The following C8orf34 variants were observed in gnomAD, a reference collection of about 807,000 sequenced individuals.
C8orf34 encodes uncharacterized protein C8orf34.
A neutral mutation model predicts 68.3 loss-of-function variants in C8orf34; 65 were observed. The observed-to-expected ratio is 0.95, with a 90% CI of 0.78 to 1.17. The LOEUF (loss-of-function observed/expected upper bound fraction) is 1.17. C8orf34 is among the 50% of genes most tolerant of loss of function. The pLI is 0.00. For synonymous variants in C8orf34, 244 were observed against 241.2 expected (o/e 1.01, Z -0.11); for missense variants, 664 against 655.4 (o/e 1.01, Z -0.14).
At chr8:68,442,432 G>T (rs977586398) in intron 2 of C8orf34, among the ~76,000 whole-genome samples, 4 of 152,062 alleles carry the variant, frequency 2.6e-5, no homozygotes, top group Admixed American at 6.6e-5. Context: ...CAGTTTGAGG[G>T]ACTTTGAGAA....
At chr8:68,703,822 C>T (rs1029047160) in intron 8 of C8orf34, among the ~76,000 whole-genome samples, 11 of 152,002 alleles carry the variant, frequency 7.2e-5, no homozygotes, top group Non-Finnish European at 1.5e-4. Flanking sequence ...TCCTGCCTCC[C>T]GGGTCAAACA....
At chr8:68,522,088 A>G in intron 6 of C8orf34, 117 bp downstream of exon 6, 1 of 872,020 alleles carries the variant, frequency 1.1e-6, no homozygotes, top group South Asian at 1.9e-5. Context: ...ATAGAAAATT[A>G]TGTTAGTCTA....
intron 7 of C8orf34, among the ~76,000 whole-genome samples, chr8:68,635,303 A>G (rs1340545969): frequency 6.6e-6 from 1 of 152,188 alleles, no homozygotes; most frequent in Non-Finnish European, 1.5e-5. Context: ...TAGATAGTTG[A>G]AGATTTTGGC....
At chr8:68,386,569 T>C (rs557950203) in intron 1 of C8orf34, among the ~76,000 whole-genome samples, 1 of 152,328 alleles carries the variant, frequency 6.6e-6, no homozygotes, top group South Asian at 2.1e-4. Context: ...TTGTCTTTTC[T>C]TCTATAACCT....
intron 10 of C8orf34, among the ~76,000 whole-genome samples, chr8:68,726,210 C>G (rs1310516551): frequency 6.6e-6 from 1 of 152,048 alleles, no homozygotes; most frequent in Non-Finnish European, 1.5e-5. Flanking sequence ...GCCTGGTCAC[C>G]AATATCAAAG....
At chr8:68,412,097 G>A (rs563438438) in intron 1 of C8orf34, among the ~76,000 whole-genome samples, 35 of 152,218 alleles carry the variant, frequency 2.3e-4, no homozygotes, top group Non-Finnish European at 4.4e-4. Context: ...ACTTGCTGGC[G>A]CCTTGATCTT....
intron 8 of C8orf34, among the ~76,000 whole-genome samples, chr8:68,659,328 T>G (rs1819602465): frequency 6.6e-6 from 1 of 152,206 alleles, no homozygotes; most frequent in Non-Finnish European, 1.5e-5. Flanking sequence ...GAGCCTGGTT[T>G]CAAGAACAGG....
chr8:68,609,002 G>A (rs1452541201), intron 7 of C8orf34, among the ~76,000 whole-genome samples: 1 of 152,024 alleles, frequency 6.6e-6, no homozygotes, highest in African/African-American at 2.4e-5. Context: ...TTCCCATCTT[G>A]ACAAAAGTAT....
chr8:68,470,257 G>T (rs921655788), intron 4 of C8orf34, among the ~76,000 whole-genome samples: 2 of 152,032 alleles, frequency 1.3e-5, no homozygotes, highest in African/African-American at 4.8e-5. Flanking sequence ...TTGGGGCAGA[G>T]CTTCAGGGCT....
chr8:68,777,990 A>G (rs377481234), intron 11 of C8orf34, among the ~76,000 whole-genome samples: 4 of 152,320 alleles, frequency 2.6e-5, no homozygotes, highest in South Asian at 2.1e-4. Flanking sequence ...TTATTGACTT[A>G]TAGTGAGATT....
chr8:68,580,747 T>C (rs1408738004), intron 7 of C8orf34, among the ~76,000 whole-genome samples: 1 of 152,190 alleles, frequency 6.6e-6, no homozygotes, highest in Non-Finnish European at 1.5e-5. Flanking sequence ...ATTAACTTAG[T>C]ATGAAGTATA....
chr8:68,461,814 C>T (rs1035316171), intron 3 of C8orf34, among the ~76,000 whole-genome samples: 16 of 152,186 alleles, frequency 1.1e-4, no homozygotes, highest in Non-Finnish European at 2.2e-4. Context: ...AAAGGAACAA[C>T]CAGTACCAGC....
At chr8:68,752,397 G>A (rs367768321) in intron 10 of C8orf34, among the ~76,000 whole-genome samples, 20 of 152,250 alleles carry the variant, frequency 1.3e-4, no homozygotes, top group African/African-American at 4.8e-4. Flanking sequence ...CTACTGTGCT[G>A]GAACCAGGCG....
At chr8:68,573,329 T>G (rs1044188682) in intron 7 of C8orf34, among the ~76,000 whole-genome samples, 1 of 152,104 alleles carries the variant, frequency 6.6e-6, no homozygotes, top group African/African-American at 2.4e-5. Context: ...ACCATGTTTC[T>G]ACTTCTCTTG....
At chr8:68,455,970 G>T (rs1450507294) in intron 3 of C8orf34, among the ~76,000 whole-genome samples, 1 of 151,918 alleles carries the variant, frequency 6.6e-6, no homozygotes, top group African/African-American at 2.4e-5. Context: ...GTCTAGCCGG[G>T]CGTGGTGGCT....
At chr8:68,808,860 C>G (rs1488938615) in intron 12 of C8orf34, among the ~76,000 whole-genome samples, 1 of 152,124 alleles carries the variant, frequency 6.6e-6, no homozygotes, top group East Asian at 1.9e-4. Flanking sequence ...TTTCTATTTA[C>G]TTTTACTGAT....
chr8:68,725,165 A>C (rs186099947), intron 10 of C8orf34, among the ~76,000 whole-genome samples: 3 of 152,290 alleles, frequency 2.0e-5, no homozygotes, highest in Admixed American at 2.0e-4. Flanking sequence ...CCTTTATCTT[A>C]AAAAAATCTA....
At chr8:68,711,234 A>T (rs1401523085) in intron 9 of C8orf34, among the ~76,000 whole-genome samples, 3 of 152,264 alleles carry the variant, frequency 2.0e-5, no homozygotes, top group Middle Eastern at 3.4e-3. Context: ...CAGTAAAACA[A>T]TTCTGGTAAT....
At chr8:68,374,885 T>C (rs1807725382) in intron 1 of C8orf34, among the ~76,000 whole-genome samples, 1 of 152,176 alleles carries the variant, frequency 6.6e-6, no homozygotes. Context: ...ATTTACTCAA[T>C]GATAAAGTAA....
Sources: allele counts gnomAD v4.1 joint callset (sites outside exome capture counted in the v4.1 genomes callset), GRCh38; gene constraint gnomAD v4.1.1; transcripts MANE v1.5; gene names NCBI Gene and HGNC (gene_info 2026-07-23, HGNC 2026-07-21).